The following AKAP19 variants were observed in gnomAD, a reference collection of about 807,000 sequenced individuals.
The protein encoded by AKAP19 is small A-kinase anchoring protein.
chr2:190,144,217 TA>T, the AKAP19 span, among the ~76,000 whole-genome samples: 11 of 135,036 alleles, frequency 8.1e-5, no homozygotes, highest in Admixed American at 6.6e-4. Context: ...TATAACTTAA[TA>T]AAAAAACAAT....
chr2:190,156,086 G>A, the AKAP19 span, among the ~76,000 whole-genome samples: 1 of 152,114 alleles, frequency 6.6e-6, no homozygotes, highest in Admixed American at 6.5e-5. Context: ...GGAGCATATC[G>A]TGACCTCCTT....
chr2:189,885,068 A>G, the AKAP19 span, among the ~76,000 whole-genome samples: 35 of 152,314 alleles, frequency 2.3e-4, no homozygotes, highest in Admixed American at 2.0e-3. Context: ...TCAGATTTAT[A>G]TATCTCAAAA....
the AKAP19 span, among the ~76,000 whole-genome samples, chr2:190,120,639 TG>T: frequency 5.9e-5 from 9 of 152,244 alleles, no homozygotes; most frequent in Admixed American, 5.2e-4. Flanking sequence ...TGCTTTAAGT[TG>T]CAGTATGCTA....
chr2:190,203,055 A>AT, the AKAP19 span: 2 of 167,178 alleles, frequency 1.2e-5, no homozygotes, highest in Admixed American at 1.3e-4. Flanking sequence ...AAACTGCCTT[A>AT]TTAGTATTAA....
At chr2:189,908,230 G>C in the AKAP19 span, among the ~76,000 whole-genome samples, 2 of 138,088 alleles carry the variant, frequency 1.4e-5, no homozygotes, top group African/African-American at 5.3e-5. Flanking sequence ...GTTTCACTCT[G>C]TTGCTTAGGC....
the AKAP19 span, among the ~76,000 whole-genome samples, chr2:189,974,715 A>G: frequency 6.6e-6 from 1 of 152,000 alleles, no homozygotes; most frequent in Non-Finnish European, 1.5e-5. Context: ...TGTTGCATTG[A>G]TCTCTTTACC....
the AKAP19 span, among the ~76,000 whole-genome samples, chr2:190,138,364 G>A: frequency 2.0e-5 from 3 of 152,148 alleles, no homozygotes; most frequent in Non-Finnish European, 4.4e-5. Flanking sequence ...GGAGAAGAGT[G>A]CTCACAAAAA....
At chr2:190,120,740 T>C in the AKAP19 span, among the ~76,000 whole-genome samples, 1 of 152,332 alleles carries the variant, frequency 6.6e-6, no homozygotes, top group South Asian at 2.1e-4. Flanking sequence ...TTTTTTGAAG[T>C]TGTAGAACAA....
At chr2:190,101,137 T>A in the AKAP19 span, among the ~76,000 whole-genome samples, 2 of 152,204 alleles carry the variant, frequency 1.3e-5, no homozygotes, top group Non-Finnish European at 2.9e-5. Context: ...TTCTTTGGCA[T>A]CCTGGCAGTG....
chr2:189,995,644 T>C, the AKAP19 span, among the ~76,000 whole-genome samples: 23,309 of 152,078 alleles, frequency 0.15, 1,858 homozygotes, highest in Middle Eastern at 0.26. Context: ...GAGGTACTGT[T>C]CTATTCATCA....
At chr2:190,170,122 C>G in the AKAP19 span, among the ~76,000 whole-genome samples, 3 of 152,176 alleles carry the variant, frequency 2.0e-5, no homozygotes, top group Admixed American at 6.5e-5. Flanking sequence ...CAATTGGGTT[C>G]TGGTGAGGGC....
At chr2:190,052,082 G>A in the AKAP19 span, among the ~76,000 whole-genome samples, 5 of 151,788 alleles carry the variant, frequency 3.3e-5, no homozygotes, top group Admixed American at 6.6e-5. Context: ...CTCGTGATCC[G>A]CCCGCCTCAG....
the AKAP19 span, among the ~76,000 whole-genome samples, chr2:190,083,796 A>G: frequency 1.3e-5 from 2 of 152,026 alleles, no homozygotes; most frequent in African/African-American, 4.8e-5. Context: ...CTGCTGCCTT[A>G]CTCCCATGCC....
chr2:189,904,539 A>G, the AKAP19 span, among the ~76,000 whole-genome samples: 4 of 152,042 alleles, frequency 2.6e-5, no homozygotes, highest in African/African-American at 9.6e-5. Flanking sequence ...TGTGAAATGC[A>G]AAAACAATTT....
At chr2:189,983,827 G>A in the AKAP19 span, among the ~76,000 whole-genome samples, 1 of 152,146 alleles carries the variant, frequency 6.6e-6, no homozygotes, top group Admixed American at 6.6e-5. Flanking sequence ...CTAAGCGTTG[G>A]CAGGCTTGTG....
At chr2:189,911,395 T>C in the AKAP19 span, among the ~76,000 whole-genome samples, 2 of 152,094 alleles carry the variant, frequency 1.3e-5, no homozygotes, top group Non-Finnish European at 2.9e-5. Context: ...TTTCTAGATT[T>C]TACTGATCTC....
the AKAP19 span, among the ~76,000 whole-genome samples, chr2:190,022,766 A>ATT: frequency 2.0e-4 from 30 of 148,782 alleles, no homozygotes; most frequent in African/African-American, 7.3e-4. Flanking sequence ...GTATTCTATA[A>ATT]TTTTTTTTTT....
At chr2:189,923,406 A>G in the AKAP19 span, 18 of 1,613,300 alleles carry the variant, frequency 1.1e-5, no homozygotes, top group East Asian at 4.0e-4. Context: ...GGGAATCTCA[A>G]CACTCTTGTG....
the AKAP19 span, among the ~76,000 whole-genome samples, chr2:189,893,962 G>A: frequency 0.11 from 17,399 of 152,074 alleles, 1,528 homozygotes; most frequent in African/African-American, 0.23. Context: ...AGACATCATA[G>A]GCATTACGGG....
Sources: gnomAD v4.1 joint callset for allele counts (sites outside exome capture counted in the v4.1 genomes callset) on GRCh38, gnomAD v4.1.1 for gene constraint, MANE v1.5 for transcripts, NCBI Gene and HGNC (gene_info 2026-07-23, HGNC 2026-07-21) for gene names.